The following MACROD2 variants were observed in gnomAD, a reference collection of about 807,000 sequenced individuals.
The protein encoded by MACROD2 is mono-ADP ribosylhydrolase 2.
Under a neutral mutation model 70.4 loss-of-function variants are expected in MACROD2, and 36 were observed. The observed-to-expected ratio is 0.51, with a 90% CI of 0.39 to 0.68. The LOEUF is 0.68. Among genes scored for constraint, MACROD2 ranks in the 30% least tolerant of loss-of-function variants. The pLI is 0.00. For missense variants in MACROD2, 496 were observed against 538.4 expected, an observed-to-expected ratio of 0.92 and a Z score of 0.78; for synonymous variants, 172 against 178.8, an observed-to-expected ratio of 0.96 and a Z score of 0.30.
At chr20:14,850,529 A>G (rs1049862373) in intron 5 of MACROD2, 3 of 152,550 alleles carry the variant, frequency 2.0e-5, no homozygotes, top group African/African-American at 7.2e-5. Context: ...TGCTTCAACT[A>G]GAGTGTTTAA....
At position 13,995,635 on chromosome 20, in the gene MACROD2, C is replaced by T; in HGVS notation, c.-129C>T. The T allele has an allele frequency of 1.2e-6, 1 of 846,212 alleles. No homozygotes were observed. The highest frequency in any genetic ancestry group is 2.0e-5 in the Admixed American group (1 of 50,696). 52.4% of individuals were successfully genotyped at this position (846,212 alleles called of 1,614,324 possible). Reference sequence around the variant, plus strand: ...GGAGAGCGGCGAGCGGCGAGCAGCGCAGGACGCAGAGCCTCTTTCACTTTT... The same window carrying T: ...GGAGAGCGGCGAGCGGCGAGCAGCGTAGGACGCAGAGCCTCTTTCACTTTT... On this transcript the variant is annotated 5_prime_UTR_variant, in exon 1 of 18. Transcript: ENST00000684519. The surrounding 1 kb of genome is among the most constrained non-coding windows in gnomAD (Gnocchi z 4.3).
intron 5 of MACROD2, among the ~76,000 whole-genome samples, chr20:15,125,195 T>C (rs2076057820): frequency 6.6e-6 from 1 of 152,124 alleles, no homozygotes; most frequent in Non-Finnish European, 1.5e-5. Flanking sequence ...ATCGACTGCA[T>C]GGCACTATGA....
intron 5 of MACROD2, among the ~76,000 whole-genome samples, chr20:15,065,722 T>C (rs1013639285): frequency 6.6e-6 from 1 of 152,184 alleles, no homozygotes; most frequent in East Asian, 1.9e-4. Flanking sequence ...TCTAACATTA[T>C]TATATGCCTA....
At chr20:15,050,549 T>TTTTA in intron 5 of MACROD2, among the ~76,000 whole-genome samples, 1 of 140,456 alleles carries the variant, frequency 7.1e-6, no homozygotes, top group African/African-American at 2.7e-5. Flanking sequence ...TTTTTTTTTT[T>TTTTA]TTTTTTTTTT....
At chr20:15,174,765 C>T (rs2076447425) in intron 5 of MACROD2, among the ~76,000 whole-genome samples, 2 of 152,192 alleles carry the variant, frequency 1.3e-5, no homozygotes, top group South Asian at 4.1e-4. Flanking sequence ...TGATGGTGAG[C>T]ATTTTTTCAT....
intron 9 of MACROD2, among the ~76,000 whole-genome samples, 162 bp from the exon 10 acceptor site, chr20:15,885,602 T>C (rs1033822035): frequency 4.6e-5 from 7 of 152,128 alleles, no homozygotes; most frequent in African/African-American, 1.7e-4. Flanking sequence ...CTTCTTAACT[T>C]AGCATGATAA....
intron 8 of MACROD2, among the ~76,000 whole-genome samples, chr20:15,618,095 C>CTTT (rs398035424): frequency 0.024 from 1,668 of 70,470 alleles, 46 homozygotes; most frequent in Non-Finnish European, 0.029. Flanking sequence ...CATCATTAGT[C>CTTT]TTTTTTTTTT....
At chr20:15,446,100 G>A (rs2046562369) in intron 7 of MACROD2, among the ~76,000 whole-genome samples, 2 of 152,204 alleles carry the variant, frequency 1.3e-5, no homozygotes, top group Admixed American at 1.3e-4. Flanking sequence ...TGTCATGATG[G>A]CAATACTTTC....
rs987495032 is a variant in MACROD2 at position 14,847,465 on chromosome 20, A to G, written c.418+162506A>G. On this transcript the variant is annotated intron_variant, in intron 5 of 17. Coordinates refer to ENST00000684519, the MANE Select transcript of MACROD2 (RefSeq NM_001351661.2). Reference sequence around the variant, plus strand: ...ATGATTTTTGATTCCATTTTTATTCACTTTGAGGAAGTGTTGCCTGTTTTT... The same window carrying G: ...ATGATTTTTGATTCCATTTTTATTCGCTTTGAGGAAGTGTTGCCTGTTTTT... Among the ~76,000 whole-genome samples the G allele has an allele frequency of 5.5e-5, 8 of 145,090 alleles. 1 individual carries two copies. The highest frequency in any genetic ancestry group is 2.0e-4 in the African/African-American group (8 of 39,448).
chr20:14,797,437 C>T (rs2072523402), intron 5 of MACROD2, among the ~76,000 whole-genome samples: 1 of 152,026 alleles, frequency 6.6e-6, no homozygotes, highest in Non-Finnish European at 1.5e-5. Context: ...TCTCTCTCTC[C>T]ATTACTCTGC....
intron 8 of MACROD2, among the ~76,000 whole-genome samples, chr20:15,702,465 C>T (rs1481247141): frequency 6.6e-6 from 1 of 152,068 alleles, no homozygotes; most frequent in African/African-American, 2.4e-5. Context: ...TGTATGTCTT[C>T]TTTTGAGAAG....
chr20:14,745,668 T>C (rs181989047), intron 5 of MACROD2, among the ~76,000 whole-genome samples: 2 of 152,262 alleles, frequency 1.3e-5, no homozygotes, highest in Non-Finnish European at 2.9e-5. Flanking sequence ...TTTGTAGGAG[T>C]TGCTGGCTGG....
intron 3 of MACROD2, among the ~76,000 whole-genome samples, chr20:14,296,313 TTA>T: frequency 6.6e-6 from 1 of 151,922 alleles, no homozygotes; most frequent in Non-Finnish European, 1.5e-5. Context: ...CCCAACATAT[TTA>T]TATGTGTGCA....
At chr20:15,531,719 C>G (rs974323397) in intron 8 of MACROD2, among the ~76,000 whole-genome samples, 58 of 152,248 alleles carry the variant, frequency 3.8e-4, no homozygotes, top group Non-Finnish European at 1.6e-4. Context: ...ATGACTCGTT[C>G]TCTTTTATTT....
At chr20:15,744,693 T>TATAC (rs2051153989) in intron 8 of MACROD2, among the ~76,000 whole-genome samples, 1 of 148,230 alleles carries the variant, frequency 6.7e-6, no homozygotes, top group South Asian at 2.2e-4. Context: ...AAACCAAGTA[T>TATAC]ACACACACAC....
At chr20:15,042,246 A>G (rs1188527416) in intron 5 of MACROD2, among the ~76,000 whole-genome samples, 1 of 152,040 alleles carries the variant, frequency 6.6e-6, no homozygotes, top group African/African-American at 2.4e-5. Context: ...AAAATGCAGG[A>G]AAAAAAAGGT....
rs547165418 is a variant in MACROD2 at position 16,002,464 on chromosome 20, G to A, written c.1153+15306G>A. 2.2e-3 allele frequency among the ~76,000 whole-genome samples: 340 copies of A among 152,240 alleles called. 1 individual carries two copies. Among genetic ancestry groups the A allele is most frequent in the Middle Eastern group, 0.017 (5 of 294 alleles). Reference sequence around the variant, plus strand: ...AGTGTAATCACAAGTATATCTATAAGCAAATAGGGAAGCAGGAGAGTCAGT... The same window carrying A: ...AGTGTAATCACAAGTATATCTATAAACAAATAGGGAAGCAGGAGAGTCAGT... On this transcript the variant is annotated intron_variant, in intron 15 of 17. Coordinates refer to ENST00000684519, the MANE Select transcript of MACROD2 (RefSeq NM_001351661.2).
At chr20:15,029,918 C>A (rs1413282106) in intron 5 of MACROD2, among the ~76,000 whole-genome samples, 1 of 151,754 alleles carries the variant, frequency 6.6e-6, no homozygotes, top group African/African-American at 2.4e-5. Context: ...AGTGAAATCC[C>A]AACTCTACTA....
chr20:15,604,675 A>G (rs1424720319), intron 8 of MACROD2, among the ~76,000 whole-genome samples: 2 of 152,212 alleles, frequency 1.3e-5, no homozygotes, highest in Non-Finnish European at 2.9e-5. Flanking sequence ...ACGCAGATAC[A>G]TGCCACCAAC....
Sources: allele counts gnomAD v4.1 joint callset (sites outside exome capture counted in the v4.1 genomes callset), GRCh38; gene constraint gnomAD v4.1.1; non-coding constraint Gnocchi (gnomAD v3.1); transcripts MANE v1.5; gene names NCBI Gene and HGNC (gene_info 2026-07-23, HGNC 2026-07-21).